RYR3: variants seen among roughly 807,000 people sequenced by gnomAD.
RYR3 encodes the protein ryanodine receptor 3, also known as brain ryanodine receptor-calcium release channel.
RYR3 carries 207 observed loss-of-function variants against 584.3 expected under a neutral mutation model. That is an observed-to-expected ratio of 0.35 (90% CI 0.32 to 0.40). RYR3 has a LOEUF of 0.40. Among genes scored for constraint, RYR3 ranks in the 10% least tolerant of loss-of-function variants. The pLI is 1.00. For missense variants in RYR3, 5,616 were observed against 6,089.2 expected, an observed-to-expected ratio of 0.92 and a Z score of 2.59; for synonymous variants, 2,416 against 2,248.5, an observed-to-expected ratio of 1.07 and a Z score of -2.11.
chr15:33,572,768 G>A (rs1201976029), intron 12 of RYR3, among the ~76,000 whole-genome samples: 2 of 151,716 alleles, frequency 1.3e-5, no homozygotes, highest in East Asian at 1.9e-4. Flanking sequence ...TGAGGTCGGG[G>A]GTTCGAGACC....
intron 7 of RYR3, among the ~76,000 whole-genome samples, chr15:33,542,761 G>T (rs2055926807): frequency 1.3e-5 from 2 of 152,022 alleles, no homozygotes; most frequent in South Asian, 4.2e-4. Context: ...ACAGACATTG[G>T]GTATATTAAG....
intron 34 of RYR3, 51 bp downstream of exon 34, chr15:33,660,474 C>G (rs1253143494): frequency 1.8e-5 from 24 of 1,299,968 alleles, no homozygotes; most frequent in Non-Finnish European, 2.3e-5. Flanking sequence ...GCAGGTGAGG[C>G]AGAGCCAAGC....
At chr15:33,419,287 G>A (rs998348027) in intron 1 of RYR3, among the ~76,000 whole-genome samples, 1 of 152,120 alleles carries the variant, frequency 6.6e-6, no homozygotes, top group Non-Finnish European at 1.5e-5. Context: ...AGTAATAGAG[G>A]CCAAGCACAT....
At chr15:33,667,966 G>A (rs964072903) in intron 36 of RYR3, among the ~76,000 whole-genome samples, 5 of 151,612 alleles carry the variant, frequency 3.3e-5, no homozygotes, top group Non-Finnish European at 5.9e-5. Context: ...GGCACCCTGA[G>A]GCAGGAGAAT....
chr15:33,538,227 A>G (rs1405492082), intron 5 of RYR3, among the ~76,000 whole-genome samples: 2 of 152,028 alleles, frequency 1.3e-5, no homozygotes, highest in East Asian at 3.9e-4. Context: ...GTCTTCATTC[A>G]TGTTCTCATC....
intron 48 of RYR3, 47 bp from the exon 49 acceptor site, chr15:33,736,188 A>G (rs771294477): frequency 1.6e-6 from 2 of 1,232,812 alleles, no homozygotes; most frequent in East Asian, 2.4e-5. Context: ...CTCCTTTATT[A>G]TTATGTTTTC....
intron 52 of RYR3, among the ~76,000 whole-genome samples, 159 bp from the exon 53 acceptor site, chr15:33,745,909 A>G (rs1181087541): frequency 1.3e-5 from 2 of 152,244 alleles, no homozygotes; most frequent in Non-Finnish European, 2.9e-5. Flanking sequence ...GGAGAGCCTG[A>G]TGGCCTGAAA....
In RYR3 at chr15:33,692,646, T is replaced by G. The variant is rs908755878; in HGVS notation, c.5861-3572T>G. Among the ~76,000 whole-genome samples the G allele has an allele frequency of 2.0e-5, 3 of 151,092 alleles. 1 individual carries two copies. Among genetic ancestry groups the G allele is most frequent in the Non-Finnish European group, 4.4e-5 (3 of 67,892 alleles). On this transcript the variant is annotated intron_variant, in intron 38 of 103. Coordinates refer to ENST00000634891, the MANE Select transcript of RYR3 (RefSeq NM_001036.6). ...TTTTTTTTTTTTTTTTAACTGTACTTCAGCTTGGTCACACATAAATATTTA... is the reference window on the plus strand; with the variant it reads ...TTTTTTTTTTTTTTTTAACTGTACTGCAGCTTGGTCACACATAAATATTTA...
chr15:33,492,666 A>C (rs1596354938), intron 2 of RYR3, among the ~76,000 whole-genome samples: 1 of 152,082 alleles, frequency 6.6e-6, no homozygotes, highest in Non-Finnish European at 1.5e-5. Context: ...TGCAGCTAAT[A>C]CTGCAGTCAA....
At chr15:33,372,642 G>A (rs1000248540) in intron 1 of RYR3, among the ~76,000 whole-genome samples, 6 of 152,104 alleles carry the variant, frequency 3.9e-5, no homozygotes, top group African/African-American at 1.4e-4. Flanking sequence ...TGGGATTACA[G>A]GCGTGAGCCA....
At chr15:33,419,362 G>A (rs2044063408) in intron 1 of RYR3, among the ~76,000 whole-genome samples, 1 of 152,080 alleles carries the variant, frequency 6.6e-6, no homozygotes, top group South Asian at 2.1e-4. Flanking sequence ...TTGACTTTCG[G>A]GAAGGGATGG....
chr15:33,550,111 G>A, intron 9 of RYR3, 49 bp from the exon 10 acceptor site: 1 of 1,584,210 alleles, frequency 6.3e-7, no homozygotes, highest in Non-Finnish European at 8.6e-7. Context: ...ATACTGAAAA[G>A]GACTTATTTT....
chr15:33,580,680 C>T (rs1423917446), intron 13 of RYR3, among the ~76,000 whole-genome samples: 1 of 152,140 alleles, frequency 6.6e-6, no homozygotes, highest in Admixed American at 6.5e-5. Context: ...TGTGTGTGAC[C>T]ACAGACAAGC....
At position 33,688,169 on chromosome 15, in the gene RYR3, C is replaced by T. The variant is rs373008979; in HGVS notation, c.5861-8049C>T. 4.6e-5 allele frequency among the ~76,000 whole-genome samples: 7 copies of T among 151,928 alleles called. No individual in the cohort carries two copies. In the East Asian group the frequency reaches 9.7e-4, roughly 21 times the overall value. On this transcript the variant is annotated intron_variant, in intron 38 of 103. Coordinates refer to ENST00000634891, the MANE Select transcript of RYR3 (RefSeq NM_001036.6). ...AAAATTTTGCAATCTACTCATCTGA[C>T]AAAGGGCTAATATCCAGAATTTACA...
chr15:33,395,557 A>G (rs1377248869), intron 1 of RYR3, among the ~76,000 whole-genome samples: 1 of 152,180 alleles, frequency 6.6e-6, no homozygotes, highest in East Asian at 1.9e-4. Context: ...TTGAGCTGGT[A>G]ATGAATCTGG....
intron 18 of RYR3, among the ~76,000 whole-genome samples, 167 bp from the exon 19 acceptor site, chr15:33,613,016 A>G (rs1214059932): frequency 6.6e-6 from 1 of 152,102 alleles, no homozygotes; most frequent in Non-Finnish European, 1.5e-5. Flanking sequence ...TGCTCATCTC[A>G]CACAAAAGGA....
At chr15:33,537,290 C>A (rs372963247) in intron 5 of RYR3, among the ~76,000 whole-genome samples, 2 of 152,146 alleles carry the variant, frequency 1.3e-5, no homozygotes, top group Non-Finnish European at 2.9e-5. Context: ...CAGCCATCAT[C>A]TAGGGAATTT....
chr15:33,843,660 G>T, intron 92 of RYR3, 86 bp downstream of exon 92: 1 of 961,556 alleles, frequency 1.0e-6, no homozygotes, highest in Non-Finnish European at 1.6e-6. Context: ...CAGAATTTGT[G>T]CTCTTAATTG....
At chr15:33,791,361 GACAC>G (rs3086244) in intron 67 of RYR3, among the ~76,000 whole-genome samples, 94,934 of 150,596 alleles carry the variant, frequency 0.63, 30,505 homozygotes, top group East Asian at 0.96. Flanking sequence ...GACTGTGTGT[GACAC>G]ACACACACAC....
Sources: gnomAD v4.1 joint callset for allele counts (sites outside exome capture counted in the v4.1 genomes callset) on GRCh38, gnomAD v4.1.1 for gene constraint, MANE v1.5 for transcripts, NCBI Gene and HGNC (gene_info 2026-07-23, HGNC 2026-07-21) for gene names.